The following SPECC1L variants were observed in gnomAD, a reference collection of about 807,000 sequenced individuals.
SPECC1L encodes the protein sperm antigen with calponin homology and coiled-coil domains 1 like, also known as cytospin-A.
SPECC1L carries 40 observed loss-of-function variants against 116.8 expected under a neutral mutation model. The observed-to-expected ratio is 0.34, with a 90% CI of 0.27 to 0.45. The LOEUF (loss-of-function observed/expected upper bound fraction) is 0.45. Ranked by LOEUF, SPECC1L falls within the 20% of genes least tolerant of loss-of-function variation. The probability of loss-of-function intolerance (pLI) is 1.00; values close to 1 mark genes in which losing one functional copy is unlikely to be tolerated. For missense variants in SPECC1L, 1,110 were observed against 1,373.6 expected, an observed-to-expected ratio of 0.81 and a Z score of 3.03; for synonymous variants, 504 against 500.6, an observed-to-expected ratio of 1.01 and a Z score of -0.09.
intron 11 of SPECC1L, among the ~76,000 whole-genome samples, chr22:24,358,923 A>G (rs2041586015): frequency 6.6e-6 from 1 of 152,164 alleles, no homozygotes; most frequent in African/African-American, 2.4e-5. Flanking sequence ...ATCAGAATGT[A>G]TCTCTGTTTA....
At chr22:24,334,131 G>A (rs2146519967) in intron 8 of SPECC1L, among the ~76,000 whole-genome samples, 1 of 151,308 alleles carries the variant, frequency 6.6e-6, no homozygotes, top group East Asian at 1.9e-4. Flanking sequence ...TCCTGCCTCA[G>A]CCTCCCAAGT....
chr22:24,347,109 C>G lies in SPECC1L; in HGVS notation c.2676C>G (p.Ile892Met). Residue 892 changes from isoleucine (I) to methionine (M), a missense_variant, in exon 11 of 17, where the codon ATC (isoleucine) becomes ATG (methionine). Ile to Met is a conservative substitution (Grantham distance 10). This residue lies in a region of SPECC1L where 575 missense variants were observed against 682.4 expected (regional missense o/e 0.84). Coordinates refer to ENST00000314328, the MANE Select transcript of SPECC1L (RefSeq NM_015330.6). Reference protein sequence around the residue: ...PMQRHSISGPISTSKPLTALS... With the variant: ...PMQRHSISGPMSTSKPLTALS... Reference sequence around the variant, plus strand: ...AGAGACATTCCATAAGTGGACCAATCTCAACATCCAAACCCCTGACAGCCC... The same window carrying G: ...AGAGACATTCCATAAGTGGACCAATGTCAACATCCAAACCCCTGACAGCCC... The G allele has an allele frequency of 2.5e-6, 4 of 1,613,974 alleles. No individual in the cohort carries two copies. The highest frequency in any genetic ancestry group is 1.7e-6 in the Non-Finnish European group (2 of 1,179,878).
chr22:24,344,131 G>C (rs1013109212), intron 10 of SPECC1L, among the ~76,000 whole-genome samples: 1 of 152,006 alleles, frequency 6.6e-6, no homozygotes, highest in South Asian at 2.1e-4. Flanking sequence ...TTACCTGATA[G>C]CAAAACCAGA....
rs368816448 is a variant in SPECC1L at position 24,316,952 on chromosome 22, C to T, written c.307+3486C>T. Among the ~76,000 whole-genome samples, 131 of 91,710 alleles carry T rather than the reference C, an allele frequency of 1.4e-3. 16 individuals carry two copies. In the East Asian group the frequency reaches 0.026, roughly 18 times the overall value. The allele number at this position is 91,710 out of a possible 152,430, so 60.2% of individuals were successfully genotyped here. A position where few individuals can be genotyped will look rare whatever the true frequency, so the allele number is the denominator to read the frequency against. ...TCCCAGACGGGGCGGCTGGCCGGGC[C>T]GAGGAGCTCCTCACTTCCCAGTAGG... On this transcript the variant is annotated intron_variant, in intron 4 of 16. Coordinates refer to ENST00000314328, the MANE Select transcript of SPECC1L (RefSeq NM_015330.6).
rs930484612 is a variant in SPECC1L, at chr22:24,350,712, T to A, written c.2743+3536T>A. ...GATGGTAACCAGGAATTCAGGAACG[T>A]TTCCACTCTGCTGCTTGGTAGGTGT... On this transcript the variant is annotated intron_variant, in intron 11 of 16. Transcript: ENST00000314328. Among the ~76,000 whole-genome samples, 7 of 152,294 alleles carry A rather than the reference T, an allele frequency of 4.6e-5. No individual in the cohort carries two copies. The South Asian group carries it at 1.2e-3, about 27-fold the overall frequency.
At chr22:24,390,880 T>TTTC (rs2042257438) in intron 14 of SPECC1L, among the ~76,000 whole-genome samples, 15 of 118,074 alleles carry the variant, frequency 1.3e-4, no homozygotes, top group African/African-American at 4.6e-4. Context: ...TTCTTTTTTT[T>TTTC]TTTTTTTTTT....
chr22:24,373,007 A>G (rs2146661993), intron 14 of SPECC1L, among the ~76,000 whole-genome samples: 3 of 152,350 alleles, frequency 2.0e-5, no homozygotes, highest in Middle Eastern at 6.8e-3. Flanking sequence ...CCAAATCATG[A>G]GTGAACTCCC....
At chr22:24,365,446 T>A (rs1357120792) in intron 12 of SPECC1L, 30 bp from the exon 13 acceptor site, 3 of 1,611,544 alleles carry the variant, frequency 1.9e-6, no homozygotes, top group Non-Finnish European at 2.5e-6. Context: ...ATGTTTTTGC[T>A]ATAGAGTGCA....
chr22:24,408,938 AG>A (rs1031357675), intron 14 of SPECC1L, among the ~76,000 whole-genome samples: 38 of 152,366 alleles, frequency 2.5e-4, no homozygotes, highest in African/African-American at 8.7e-4. Context: ...TCTCCCTCGC[AG>A]GGGCGGCCTG....
intron 2 of SPECC1L, among the ~76,000 whole-genome samples, chr22:24,293,584 T>C (rs2049199550): frequency 6.6e-6 from 1 of 152,200 alleles, no homozygotes; most frequent in Admixed American, 6.5e-5. Context: ...AGCAGATTTT[T>C]TTTTTCTTAG....
intron 14 of SPECC1L, among the ~76,000 whole-genome samples, chr22:24,398,871 T>TG (rs1175173279): frequency 1.3e-5 from 2 of 152,200 alleles, no homozygotes; most frequent in African/African-American, 4.8e-5. Context: ...ACCCAGTCCC[T>TG]TCCTCAGAGC....
At chr22:24,411,864 C>T (rs2042705540) in intron 15 of SPECC1L, among the ~76,000 whole-genome samples, 160 bp downstream of exon 15, 2 of 152,230 alleles carry the variant, frequency 1.3e-5, no homozygotes, top group Non-Finnish European at 2.9e-5. Context: ...ATGCTGAGCC[C>T]ACCAGTCCCT....
chr22:24,326,044 C>A (rs2146492815), intron 6 of SPECC1L, among the ~76,000 whole-genome samples: 1 of 152,204 alleles, frequency 6.6e-6, no homozygotes, highest in Admixed American at 6.5e-5. Context: ...ACCTCTGCCC[C>A]CCGGGTTCAA....
intron 3 of SPECC1L, among the ~76,000 whole-genome samples, chr22:24,309,830 TC>T (rs1192233268): frequency 6.6e-6 from 1 of 152,244 alleles, no homozygotes; most frequent in Non-Finnish European, 1.5e-5. Context: ...TTTGTTCCTA[TC>T]CTATTCCATT....
chr22:24,380,605 C>T (rs902212282), intron 14 of SPECC1L, among the ~76,000 whole-genome samples: 1 of 152,190 alleles, frequency 6.6e-6, no homozygotes, highest in Admixed American at 6.5e-5. Context: ...ACAAAACAAG[C>T]CCTTATGAGT....
chr22:24,311,804 CAAAAAAAAAA>C (rs915422222), intron 3 of SPECC1L, among the ~76,000 whole-genome samples: 1 of 46,568 alleles, frequency 2.1e-5, no homozygotes, highest in Non-Finnish European at 5.0e-5. Context: ...GACTTTGTCT[CAAAAAAAAAA>C]AAAAAAAAAA....
At chr22:24,288,693 T>C (rs2049099627) in intron 2 of SPECC1L, among the ~76,000 whole-genome samples, 1 of 144,336 alleles carries the variant, frequency 6.9e-6, no homozygotes, top group African/African-American at 2.6e-5. Context: ...TGGCGTGATC[T>C]TGGCTCACTG....
rs1015644155 is a variant in SPECC1L at position 24,347,308 on chromosome 22, T to A, written c.2743+132T>A. 3 of 712,998 alleles carry A rather than the reference T, an allele frequency of 4.2e-6. No homozygotes were observed. The East Asian group carries it at 8.4e-5, about 20-fold the overall frequency. 44.2% of individuals were successfully genotyped at this position (712,998 alleles called of 1,614,324 possible). A position where few individuals can be genotyped will look rare whatever the true frequency, so the allele number is the denominator to read the frequency against. On this transcript the variant is annotated intron_variant, in intron 11 of 16. Transcript: ENST00000314328. ...ATCTGGTATACCTTTGTATCAGAAG[T>A]TCACTAGTAAGTATATCTAAATTAC...
At chr22:24,272,937 T>G (rs1238808480) in intron 1 of SPECC1L, among the ~76,000 whole-genome samples, 1 of 152,110 alleles carries the variant, frequency 6.6e-6, no homozygotes, top group Non-Finnish European at 1.5e-5. Context: ...TTTCTTGACA[T>G]TTTCAGTAAG....
Sources: allele counts gnomAD v4.1 joint callset (sites outside exome capture counted in the v4.1 genomes callset), GRCh38; gene constraint gnomAD v4.1.1; regional missense constraint gnomAD v4.1.1; transcripts MANE v1.5; gene names NCBI Gene and HGNC (gene_info 2026-07-23, HGNC 2026-07-21).